OBI1: variants seen among roughly 807,000 people sequenced by gnomAD.
The protein encoded by OBI1 is ring finger protein 219.
A neutral mutation model predicts 62.4 loss-of-function variants in OBI1; 59 were observed. The ratio of observed to expected loss-of-function variants is 0.95; its 90% confidence interval spans 0.77 to 1.17. OBI1 has a LOEUF of 1.17. Ranked by LOEUF, OBI1 falls within the 50% of genes most tolerant of loss-of-function variation. OBI1 has a pLI of 0.00. For missense variants in OBI1, 875 were observed against 830.9 expected, an observed-to-expected ratio of 1.05 and a Z score of -0.65; for synonymous variants, 302 against 292.8, an observed-to-expected ratio of 1.03 and a Z score of -0.32.
rs1593805963 is a variant in OBI1 at position 78,659,143 on chromosome 13, A to G, written c.-23T>C. ...CATGGCAGCGTTCAGAATCCCGCCA[A>G]CACGGAAGTCCCGCCGACCTACCGC... On this transcript the variant is annotated 5_prime_UTR_variant, in exon 1 of 6. Coordinates refer to ENST00000282003, the MANE Select transcript of OBI1 (RefSeq NM_024546.4). 2.5e-6 allele frequency: 4 copies of G among 1,606,608 alleles called. No individual in the cohort carries two copies. Among genetic ancestry groups the G allele is most frequent in the Non-Finnish European group, 3.4e-6 (4 of 1,176,260 alleles).
At chr13:78,620,303 A>G (rs970026275) in intron 5 of OBI1, among the ~76,000 whole-genome samples, 6 of 152,338 alleles carry the variant, frequency 3.9e-5, no homozygotes, top group African/African-American at 1.4e-4. Flanking sequence ...CTAATTCTAG[A>G]TATTTGGAGT....
At chr13:78,626,771 G>A (rs1280190308) in intron 5 of OBI1, among the ~76,000 whole-genome samples, 1 of 152,112 alleles carries the variant, frequency 6.6e-6, no homozygotes, top group African/African-American at 2.4e-5. Flanking sequence ...TTTTATACTA[G>A]ACCAAGAATA....
intron 5 of OBI1, among the ~76,000 whole-genome samples, chr13:78,618,699 T>G (rs967560813): frequency 6.6e-6 from 1 of 151,996 alleles, no homozygotes; most frequent in Non-Finnish European, 1.5e-5. Context: ...CTTCAACTTC[T>G]AAAAAAACAC....
intron 2 of OBI1, among the ~76,000 whole-genome samples, chr13:78,642,505 T>C (rs1315647595): frequency 1.3e-5 from 2 of 152,248 alleles, no homozygotes; most frequent in Non-Finnish European, 1.5e-5. Flanking sequence ...TTATCACATT[T>C]GGACTACTTC....
chr13:78,634,016 C>T lies in OBI1; in HGVS notation c.638+1094G>A, dbSNP rs186135705. Among the ~76,000 whole-genome samples the T allele has an allele frequency of 9.2e-3, 1,389 of 150,240 alleles. 13 individuals are homozygous for T. Among genetic ancestry groups the T allele is most frequent in the African/African-American group, 0.032 (1,321 of 40,968 alleles). ...CCGGGGGGCGGAGCCTGCAGTGAGC[C>T]GAGATCGCGCCACTGCACTCCAGCC... On this transcript the variant is annotated intron_variant, in intron 5 of 5. Transcript: ENST00000282003.
At chr13:78,618,061 G>A (rs1025149843) in intron 5 of OBI1, among the ~76,000 whole-genome samples, 4 of 152,030 alleles carry the variant, frequency 2.6e-5, no homozygotes, top group African/African-American at 9.7e-5. Flanking sequence ...AAAAAAGACT[G>A]TCTAGCTCCA....
chr13:78,643,710 C>T (rs1241378343), intron 2 of OBI1, among the ~76,000 whole-genome samples: 2 of 152,072 alleles, frequency 1.3e-5, no homozygotes, highest in African/African-American at 4.8e-5. Flanking sequence ...ATCGCTTGAA[C>T]CCAGGAGGCA....
At chr13:78,621,398 GGTCA>G (rs1413220721) in intron 5 of OBI1, among the ~76,000 whole-genome samples, 1 of 152,164 alleles carries the variant, frequency 6.6e-6, no homozygotes, top group Non-Finnish European at 1.5e-5. Flanking sequence ...CTTCTTTCAA[GGTCA>G]GTCAGTGATT....
At chr13:78,645,540 G>A (rs1876354956) in intron 1 of OBI1, among the ~76,000 whole-genome samples, 1 of 152,182 alleles carries the variant, frequency 6.6e-6, no homozygotes. Context: ...CTCTCAAGTA[G>A]TTTATAATCT....
intron 5 of OBI1, among the ~76,000 whole-genome samples, chr13:78,633,984 G>A (rs1032226966): frequency 1.3e-5 from 2 of 151,492 alleles, no homozygotes; most frequent in African/African-American, 2.4e-5. Context: ...GGAGAATGGC[G>A]TAAACCCCGG....
rs570047734 is a variant in OBI1 at position 78,642,812 on chromosome 13, G to C, written c.209-599C>G. ...TAAGGCAGGAGAATGGCATGAACCC[G>C]GGAGGCGGAGCTTGCAGTGAGCCGA... is the stretch of plus-strand genomic sequence containing the variant. On this transcript the variant is annotated intron_variant, in intron 2 of 5. Transcript: ENST00000282003. 3.4e-4 allele frequency among the ~76,000 whole-genome samples: 51 copies of C among 152,222 alleles called. No individual in the cohort carries two copies. In the South Asian group the frequency reaches 7.7e-3, roughly 23 times the overall value.
chr13:78,643,970 T>G (rs1450591518), intron 2 of OBI1, among the ~76,000 whole-genome samples: 4 of 152,212 alleles, frequency 2.6e-5, no homozygotes, highest in Non-Finnish European at 5.9e-5. Context: ...ATAACTTATA[T>G]GAGTAGAATA....
rs1876089194 is a variant in OBI1, at chr13:78,638,334, T to G, written c.549+489A>C. On this transcript the variant is annotated intron_variant, in intron 4 of 5. Transcript: ENST00000282003. Reference sequence around the variant, plus strand: ...TGAGGTACTCTGAAGCAGCTGCTTATTGCTGTCCTGGAATTAGTCACCAAG... The same window carrying G: ...TGAGGTACTCTGAAGCAGCTGCTTAGTGCTGTCCTGGAATTAGTCACCAAG... Among the ~76,000 whole-genome samples, 3 of 152,236 alleles carry G rather than the reference T, an allele frequency of 2.0e-5. No homozygotes were observed. The South Asian group carries it at 6.2e-4, about 32-fold the overall frequency.
In OBI1 at chr13:78,644,895, T is replaced by C. The variant is rs1424618134; in HGVS notation, c.175A>G (p.Ile59Val). The part of the protein sequence containing the change: ...NSQCPACRVP[I>V]TPENPCKEII... ...TCTTTGCAAGGATTTTCAGGAGTGA[T>C]GGGGACTCTGCAAGCTGGACACTGG... is the stretch of plus-strand genomic sequence containing the variant. Residue 59 changes from isoleucine (I) to valine (V), a missense_variant, in exon 2 of 6, where the codon ATC (isoleucine) becomes GTC (valine). Physicochemically the swap from Ile to Val is conservative, Grantham distance 29. Transcript: ENST00000282003. 4 of 1,613,956 alleles carry C rather than the reference T, an allele frequency of 2.5e-6. No homozygotes were observed. Among genetic ancestry groups the C allele is most frequent in the Non-Finnish European group, 3.4e-6 (4 of 1,179,976 alleles).
intron 5 of OBI1, among the ~76,000 whole-genome samples, chr13:78,622,859 AG>A (rs1301492492): frequency 6.6e-6 from 1 of 152,186 alleles, no homozygotes; most frequent in Non-Finnish European, 1.5e-5. Context: ...GGCACAATTT[AG>A]GAAAAGCGGA....
chr13:78,634,234 T>G (rs1202074866), intron 5 of OBI1, among the ~76,000 whole-genome samples: 1 of 152,108 alleles, frequency 6.6e-6, no homozygotes, highest in Non-Finnish European at 1.5e-5. Flanking sequence ...GATAGGCTTT[T>G]TTTTAGTGTA....
chr13:78,658,945 CCG>C (rs975713120), intron 1 of OBI1, 102 bp downstream of exon 1: 7 of 969,778 alleles, frequency 7.2e-6, no homozygotes, highest in Non-Finnish European at 1.1e-5. Flanking sequence ...TCTCCCATCT[CCG>C]CGCCTCACGC....
chr13:78,646,459 T>C (rs964817040), intron 1 of OBI1, among the ~76,000 whole-genome samples: 1 of 152,166 alleles, frequency 6.6e-6, no homozygotes, highest in Admixed American at 6.5e-5. Flanking sequence ...ATAGCACAAA[T>C]TTAAAAATAC....
intron 3 of OBI1, among the ~76,000 whole-genome samples, chr13:78,640,650 A>G (rs1053539084): frequency 6.6e-6 from 1 of 152,052 alleles, no homozygotes; most frequent in Non-Finnish European, 1.5e-5. Context: ...AATACAAAAA[A>G]TTAGCTGAGT....
Sources: gnomAD v4.1 joint callset for allele counts (sites outside exome capture counted in the v4.1 genomes callset) on GRCh38, gnomAD v4.1.1 for gene constraint, MANE v1.5 for transcripts, NCBI Gene and HGNC (gene_info 2026-07-23, HGNC 2026-07-21) for gene names.